The following RCL1 variants were observed in gnomAD, a reference collection of about 807,000 sequenced individuals.
The protein encoded by RCL1 is RNA 3'-terminal phosphate cyclase-like protein.
Under a neutral mutation model 42.4 loss-of-function variants are expected in RCL1, and 24 were observed. That is an observed-to-expected ratio of 0.57 (90% CI 0.41 to 0.80). RCL1 has a LOEUF of 0.80. Among genes scored for constraint, RCL1 ranks in the 30% least tolerant of loss-of-function variants. The pLI is 0.00. For missense variants in RCL1, 578 were observed against 467.9 expected (o/e 1.24, Z -2.17); for synonymous variants, 228 against 177.3 (o/e 1.29, Z -2.27).
At chr9:4,801,557 T>A (rs1264141466) in intron 1 of RCL1, among the ~76,000 whole-genome samples, 1 of 152,188 alleles carries the variant, frequency 6.6e-6, no homozygotes, top group African/African-American at 2.4e-5. Context: ...TTTCTCCCAC[T>A]GTGCACCTTG....
chr9:4,846,316 C>T (rs1587728413), intron 7 of RCL1, among the ~76,000 whole-genome samples: 1 of 152,184 alleles, frequency 6.6e-6, no homozygotes. Context: ...GCTCCAGCCC[C>T]TCTACTCGGC....
At chr9:4,801,288 C>G (rs1295996137) in intron 1 of RCL1, among the ~76,000 whole-genome samples, 1 of 152,196 alleles carries the variant, frequency 6.6e-6, no homozygotes, top group Non-Finnish European at 1.5e-5. Flanking sequence ...TCTTTCATCT[C>G]AGCCTCCCGA....
intron 1 of RCL1, among the ~76,000 whole-genome samples, chr9:4,800,347 T>C (rs987507162): frequency 6.6e-6 from 1 of 152,048 alleles, no homozygotes; most frequent in Admixed American, 6.6e-5. Flanking sequence ...CCCGAGTAGC[T>C]GGGATTACAG....
intron 1 of RCL1, 22 bp downstream of exon 1, chr9:4,793,249 G>A (rs778341248): frequency 3.8e-6 from 6 of 1,572,420 alleles, no homozygotes; most frequent in Non-Finnish European, 5.2e-6. Flanking sequence ...TGGGCGGCGC[G>A]CGGCGTGGGC....
intron 5 of RCL1, chr9:4,836,792 T>A (rs991674266): frequency 2.0e-4 from 31 of 152,268 alleles, no homozygotes; most frequent in African/African-American, 7.0e-4. Flanking sequence ...GGGAGTAGGG[T>A]GGGCTGCAGA....
chr9:4,813,482 A>G (rs1157037033), intron 1 of RCL1, among the ~76,000 whole-genome samples: 9 of 152,252 alleles, frequency 5.9e-5, no homozygotes, highest in African/African-American at 1.2e-4. Flanking sequence ...TCAAAACCAC[A>G]GTGAGATACC....
chr9:4,850,996 T>G (rs932328245), intron 8 of RCL1, among the ~76,000 whole-genome samples: 3 of 152,134 alleles, frequency 2.0e-5, no homozygotes, highest in Non-Finnish European at 4.4e-5. Flanking sequence ...TCTGTGAAAA[T>G]GGAATACATA....
At chr9:4,834,115 C>T (rs1167471792) in intron 4 of RCL1, 26 bp from the exon 5 acceptor site, 11 of 1,607,280 alleles carry the variant, frequency 6.8e-6, no homozygotes, top group Non-Finnish European at 8.5e-6. Context: ...TGCATCCTCG[C>T]CTCATCTTTC....
intron 1 of RCL1, among the ~76,000 whole-genome samples, chr9:4,801,919 T>C (rs1363643580): frequency 6.6e-6 from 1 of 151,632 alleles, no homozygotes; most frequent in Non-Finnish European, 1.5e-5. Context: ...AGTCTTTTTT[T>C]CTTTTTTTTT....
chr9:4,803,488 T>C (rs1041851561), intron 1 of RCL1, among the ~76,000 whole-genome samples: 1 of 152,174 alleles, frequency 6.6e-6, no homozygotes, highest in African/African-American at 2.4e-5. Flanking sequence ...TACCCTTATA[T>C]CCACAACTTC....
chr9:4,848,336 A>G (rs918123473), intron 7 of RCL1, among the ~76,000 whole-genome samples: 3 of 152,228 alleles, frequency 2.0e-5, no homozygotes, highest in Admixed American at 1.3e-4. Context: ...AGTAAGATCA[A>G]TCCTTATTTC....
chr9:4,798,951 G>C (rs1202226740), intron 1 of RCL1, among the ~76,000 whole-genome samples: 1 of 150,150 alleles, frequency 6.7e-6, no homozygotes, highest in Non-Finnish European at 1.5e-5. Flanking sequence ...GTGTTGTTTG[G>C]AAGCTGTTGT....
At chr9:4,833,397 G>A (rs1371886918) in intron 4 of RCL1, among the ~76,000 whole-genome samples, 169 bp downstream of exon 4, 1 of 152,176 alleles carries the variant, frequency 6.6e-6, no homozygotes, top group Non-Finnish European at 1.5e-5. Context: ...AACTGAAAGG[G>A]ACCCTTTAGT....
At chr9:4,794,906 G>A (rs1229631583) in intron 1 of RCL1, among the ~76,000 whole-genome samples, 1 of 152,154 alleles carries the variant, frequency 6.6e-6, no homozygotes, top group Non-Finnish European at 1.5e-5. Flanking sequence ...TGATACCTGA[G>A]GGAGGTAGAA....
chr9:4,854,753 A>G (rs962772698), intron 8 of RCL1, among the ~76,000 whole-genome samples: 6 of 151,810 alleles, frequency 4.0e-5, no homozygotes, highest in Non-Finnish European at 8.8e-5. Flanking sequence ...GGAACAACTC[A>G]CCTTTTGAAA....
chr9:4,845,972 C>A (rs1193281570), intron 7 of RCL1, among the ~76,000 whole-genome samples: 10 of 152,178 alleles, frequency 6.6e-5, no homozygotes, highest in African/African-American at 2.4e-4. Flanking sequence ...TAAATAAAAT[C>A]AGTAAAACAG....
intron 1 of RCL1, among the ~76,000 whole-genome samples, chr9:4,800,217 T>TTTTTTA (rs1842976110): frequency 6.6e-6 from 1 of 152,084 alleles, no homozygotes; most frequent in South Asian, 2.1e-4. Flanking sequence ...TTTTCTTTTT[T>TTTTTTA]TTTTTATTTT....
At chr9:4,798,748 G>A (rs757759592) in intron 1 of RCL1, among the ~76,000 whole-genome samples, 6 of 152,126 alleles carry the variant, frequency 3.9e-5, no homozygotes, top group East Asian at 3.8e-4. Context: ...GTTTTGGGGC[G>A]TAACAGATAA....
intron 5 of RCL1, among the ~76,000 whole-genome samples, chr9:4,840,501 CTT>C (rs1420978724): frequency 6.6e-6 from 1 of 152,204 alleles, no homozygotes; most frequent in Non-Finnish European, 1.5e-5. Context: ...AAGCACCAAT[CTT>C]TTCACTTGAG....
Sources: allele counts gnomAD v4.1 joint callset (sites outside exome capture counted in the v4.1 genomes callset), GRCh38; gene constraint gnomAD v4.1.1; transcripts MANE v1.5; gene names NCBI Gene and HGNC (gene_info 2026-07-23, HGNC 2026-07-21).